Variants in MTOR observed in about 807,000 individuals in gnomAD.
MTOR encodes mechanistic target of rapamycin kinase, also known as serine/threonine-protein kinase mTOR.
Under a neutral mutation model 319.8 loss-of-function variants are expected in MTOR, and 70 were observed. That is an observed-to-expected ratio of 0.22 (90% CI 0.18 to 0.27). The LOEUF (loss-of-function observed/expected upper bound fraction) is 0.27, where lower values mean the gene tolerates loss of function less well. Among genes scored for constraint, MTOR ranks in the 10% least tolerant of loss-of-function variants. MTOR has a pLI of 1.00. For missense variants in MTOR, 1,890 were observed against 3,274.4 expected (o/e 0.58, Z 10.32); for synonymous variants, 1,183 against 1,211.4 (o/e 0.98, Z 0.49).
intron 19 of MTOR, among the ~76,000 whole-genome samples, chr1:11,218,801 A>G (rs1646563066): frequency 6.6e-6 from 1 of 152,206 alleles, no homozygotes; most frequent in African/African-American, 2.4e-5. Context: ...GAGTATTTTA[A>G]AAGAACACAG....
intron 13 of MTOR, among the ~76,000 whole-genome samples, chr1:11,237,632 T>C (rs1458306706): frequency 1.3e-5 from 2 of 151,706 alleles, no homozygotes; most frequent in East Asian, 3.9e-4. Flanking sequence ...CACCTTAGAG[T>C]CATATTGACA....
intron 28 of MTOR, chr1:11,189,876 G>C: frequency 6.2e-7 from 1 of 1,614,198 alleles, no homozygotes; most frequent in Non-Finnish European, 8.5e-7. Flanking sequence ...CAGATGCTGA[G>C]AGCAAGTACT....
At position 11,112,936 on chromosome 1, in the gene MTOR, A is replaced by G. The variant is rs1225933657; in HGVS notation, c.7301-19T>C. On this transcript the variant is annotated intron_variant, in intron 53 of 57. Coordinates refer to ENST00000361445, the MANE Select transcript of MTOR (RefSeq NM_004958.4). ...GTATTTGCTAGGGAGAGAAATAAAG[A>G]GTATTGAAACATGCTTCAAATTTTG... The G allele has an allele frequency of 6.2e-7, 1 of 1,610,482 alleles. No homozygotes were observed. The highest frequency in any genetic ancestry group is 8.5e-7 in the Non-Finnish European group (1 of 1,178,450).
Position 11,129,903 on chromosome 1 carries a change from A to T in MTOR, c.5614-65T>A. 1 of 1,384,598 alleles carries T rather than the reference A, an allele frequency of 7.2e-7. No homozygotes were observed. Among genetic ancestry groups the T allele is most frequent in the Non-Finnish European group, 1.0e-6 (1 of 975,988 alleles). 85.8% of individuals were successfully genotyped at this position (1,384,598 alleles called of 1,614,324 possible). ...GCTTTCTCATCTGTAAAATGGGCAT[A>T]AGAGCATACTAACTGTACCTACTTC... On this transcript the variant is annotated intron_variant, in intron 39 of 57. Transcript: ENST00000361445. This position sits in a 1 kb window ranked among gnomAD's most constrained non-coding sequence, Gnocchi z 4.7.
At chr1:11,111,424 C>T (rs961635011) in intron 54 of MTOR, 3 of 197,786 alleles carry the variant, frequency 1.5e-5, no homozygotes, top group Admixed American at 6.6e-5. Context: ...GAGGTTGCAG[C>T]GAGCCGAGAC....
At chr1:11,189,588 A>G in intron 28 of MTOR, 1 of 1,601,220 alleles carries the variant, frequency 6.2e-7, no homozygotes, top group Admixed American at 1.7e-5. Flanking sequence ...AGATGCTGAA[A>G]AAGCCTCTCT....
chr1:11,134,774 T>C (rs1643325781), intron 36 of MTOR, among the ~76,000 whole-genome samples: 3 of 152,234 alleles, frequency 2.0e-5, no homozygotes, highest in African/African-American at 7.2e-5. Context: ...ACAAAGTAAT[T>C]TGAAACAACT....
chr1:11,110,826 A>G (rs925703166), intron 54 of MTOR, among the ~76,000 whole-genome samples: 2 of 152,184 alleles, frequency 1.3e-5, no homozygotes, highest in East Asian at 3.9e-4. Flanking sequence ...GTGCACCACA[A>G]CACCCAGCTG....
chr1:11,183,905 A>T (rs1333890061), intron 28 of MTOR, among the ~76,000 whole-genome samples: 1 of 152,224 alleles, frequency 6.6e-6, no homozygotes, highest in African/African-American at 2.4e-5. Context: ...CCTTGTTATA[A>T]ATCAAGTGTC....
At chr1:11,146,972 C>T (rs759073944) in intron 31 of MTOR, among the ~76,000 whole-genome samples, 181 bp from the exon 32 acceptor site, 8 of 152,114 alleles carry the variant, frequency 5.3e-5, no homozygotes, top group Admixed American at 1.3e-4. Context: ...TGCAGGTTGA[C>T]GTAACAAAAA....
In MTOR at chr1:11,130,896, C is replaced by T. The variant is rs1035446289; in HGVS notation, c.5365-119G>A. 6 of 1,301,312 alleles carry T rather than the reference C, an allele frequency of 4.6e-6. No individual in the cohort carries two copies. In the African/African-American group the frequency reaches 5.9e-5, roughly 13 times the overall value. 80.6% of individuals were successfully genotyped at this position (1,301,312 alleles called of 1,614,324 possible). On this transcript the variant is annotated intron_variant, in intron 38 of 57. Transcript: ENST00000361445. ...CTGCCTGTTCTGTGTGTCCATAAAG[C>T]AAACACTTCAAGGAGACACTCAGAA... is the stretch of plus-strand genomic sequence containing the variant.
chr1:11,128,790 T>C lies in MTOR; in HGVS notation c.5811+65A>G. 7.3e-7 allele frequency: 1 copy of C among 1,371,068 alleles called. No individual in the cohort carries two copies. Among genetic ancestry groups the C allele is most frequent in the African/African-American group, 1.4e-5 (1 of 70,332 alleles). The allele number at this position is 1,371,068 out of a possible 1,614,324, so 84.9% of individuals were successfully genotyped here. On this transcript the variant is annotated intron_variant, in intron 41 of 57. Transcript: ENST00000361445. The surrounding 1 kb of genome is among the most constrained non-coding windows in gnomAD (Gnocchi z 5.3). ...CCTTGTGACACTGAACACAGCATGC[T>C]TGTAAGAGGAGACACACAGAAGAGA...
At chr1:11,125,656 G>A (rs1642788427) in intron 46 of MTOR, among the ~76,000 whole-genome samples, 1 of 150,880 alleles carries the variant, frequency 6.6e-6, no homozygotes. Flanking sequence ...CTTGAACTCA[G>A]GAGGTGGGGT....
intron 29 of MTOR, among the ~76,000 whole-genome samples, chr1:11,158,336 T>C (rs989245608): frequency 5.9e-5 from 9 of 152,228 alleles, no homozygotes; most frequent in African/African-American, 9.6e-5. Flanking sequence ...TTGTGCAGTA[T>C]GTAGACTAAC....
intron 16 of MTOR, among the ~76,000 whole-genome samples, chr1:11,231,926 C>G (rs918349275): frequency 1.4e-4 from 21 of 152,026 alleles, no homozygotes; most frequent in African/African-American, 4.6e-4. Flanking sequence ...TCTCATCATG[C>G]CCAGGTTGCT....
rs749807436 is a variant in MTOR at position 11,238,026 on chromosome 1, G to C, written c.2025C>G (p.Val675=). The stretch of plus-strand genomic sequence containing the variant: ...CAAAGCGCTCGTCCAGGGACGCCAA[G>C]ACACAGTAGCGAATGTCAGGGTCTG... The part of the protein sequence containing the change: ...TDPDPDIRYC[V]LASLDERFDA... Residue 675 remains valine (V), a synonymous_variant, in exon 13 of 58, where the codon GTC becomes GTG. Coordinates refer to ENST00000361445, the MANE Select transcript of MTOR (RefSeq NM_004958.4). 1.9e-6 allele frequency: 3 copies of C among 1,614,202 alleles called. No individual in the cohort carries two copies. Among genetic ancestry groups the C allele is most frequent in the Non-Finnish European group, 2.5e-6 (3 of 1,180,042 alleles).
In MTOR at chr1:11,129,675, G is replaced by A; in HGVS notation, c.5714+63C>T. The A allele has an allele frequency of 6.9e-7, 1 of 1,452,240 alleles. No individual in the cohort carries two copies. Among genetic ancestry groups the A allele is most frequent in the East Asian group, 2.3e-5 (1 of 43,650 alleles). 90.0% of individuals were successfully genotyped at this position (1,452,240 alleles called of 1,614,324 possible). A position where few individuals can be genotyped will look rare whatever the true frequency, so the allele number is the denominator to read the frequency against. ...AGGAAGGGAAAGAGGACTTTTACGT[G>A]TGACTTCTAGGTCTTGCCATTAACA... On this transcript the variant is annotated intron_variant, in intron 40 of 57. Transcript: ENST00000361445. This position sits in a 1 kb window ranked among gnomAD's most constrained non-coding sequence, Gnocchi z 4.7.
chr1:11,241,160 A>G (rs1229234153), intron 10 of MTOR, among the ~76,000 whole-genome samples: 1 of 151,810 alleles, frequency 6.6e-6, no homozygotes, highest in Non-Finnish European at 1.5e-5. Flanking sequence ...ACTCTACTAA[A>G]AATACAAAGA....
At chr1:11,177,877 T>C (rs1164365116) in intron 28 of MTOR, among the ~76,000 whole-genome samples, 1 of 152,224 alleles carries the variant, frequency 6.6e-6, no homozygotes, top group African/African-American at 2.4e-5. Flanking sequence ...GGGAAGTTGA[T>C]TGTAATATAA....
Sources: gnomAD v4.1 joint callset for allele counts (sites outside exome capture counted in the v4.1 genomes callset) on GRCh38, gnomAD v4.1.1 for gene constraint, Gnocchi (gnomAD v3.1) non-coding constraint, MANE v1.5 for transcripts, NCBI Gene and HGNC (gene_info 2026-07-23, HGNC 2026-07-21) for gene names.